The following CACNA1C variants were observed in gnomAD, a reference collection of about 807,000 sequenced individuals.
CACNA1C encodes voltage-dependent L-type calcium channel subunit alpha-1C.
In CACNA1C, 30 loss-of-function variants were observed where a neutral mutation model predicts 229.0. The ratio of observed to expected loss-of-function variants is 0.13; its 90% confidence interval spans 0.10 to 0.18. The LOEUF is 0.18. Among genes scored for constraint, CACNA1C ranks in the 10% least tolerant of loss-of-function variants. CACNA1C has a pLI of 1.00. For synonymous variants in CACNA1C, 1,114 were observed against 1,132.5 expected, an observed-to-expected ratio of 0.98 and a Z score of 0.33; for missense variants, 1,658 against 2,845.0, an observed-to-expected ratio of 0.58 and a Z score of 9.49.
intron 3 of CACNA1C, among the ~76,000 whole-genome samples, chr12:2,195,091 G>A (rs541375055): frequency 6.6e-6 from 1 of 152,236 alleles, no homozygotes; most frequent in Admixed American, 6.5e-5. Flanking sequence ...GTGTGTGTGT[G>A]TATTTAAATC....
At chr12:2,429,820 A>T (rs1379546068) in intron 3 of CACNA1C, among the ~76,000 whole-genome samples, 2 of 152,198 alleles carry the variant, frequency 1.3e-5, no homozygotes, top group Non-Finnish European at 2.9e-5. Context: ...ATCTTAGGTG[A>T]TGAGGAAGAG....
rs1229568622 is a variant in CACNA1C, at chr12:2,493,618, T to G, written c.1113+232T>G. Among the ~76,000 whole-genome samples, 1 of 152,078 alleles carries G rather than the reference T, an allele frequency of 6.6e-6. No homozygotes were observed. The highest frequency in any genetic ancestry group is 2.4e-5 in the African/African-American group (1 of 41,384). ...CCCGCCAGCCTTAGGGGAAGGTCATTTTTCCAGTGCGTCCCACAGTGCAAA... is the reference window on the plus strand; with the variant it reads ...CCCGCCAGCCTTAGGGGAAGGTCATGTTTCCAGTGCGTCCCACAGTGCAAA... On this transcript the variant is annotated intron_variant, in intron 7 of 46. Coordinates refer to ENST00000399655, the MANE Select transcript of CACNA1C (RefSeq NM_000719.7). This position sits in a 1 kb window ranked among gnomAD's most constrained non-coding sequence, Gnocchi z 4.6.
chr12:2,371,290 T>G (rs952136852), intron 3 of CACNA1C, among the ~76,000 whole-genome samples: 1 of 152,098 alleles, frequency 6.6e-6, no homozygotes, highest in Non-Finnish European at 1.5e-5. Flanking sequence ...ATGAGAGGCT[T>G]CATCGGGCAG....
chr12:2,124,575 C>A (rs2154156181), intron 3 of CACNA1C, among the ~76,000 whole-genome samples: 1 of 152,226 alleles, frequency 6.6e-6, no homozygotes, highest in African/African-American at 2.4e-5. Context: ...GCTCTTGCAG[C>A]ATGAGGAAGA....
intron 8 of CACNA1C, among the ~76,000 whole-genome samples, chr12:2,511,662 C>G: frequency 6.6e-6 from 1 of 152,110 alleles, no homozygotes; most frequent in East Asian, 1.9e-4. Flanking sequence ...AAAAATACTC[C>G]CCTATGCCTA....
intron 29 of CACNA1C, chr12:2,612,263 G>A (rs139019552): frequency 3.0e-4 from 141 of 463,594 alleles, no homozygotes; most frequent in African/African-American, 2.3e-3. Context: ...ATTCCTCGCT[G>A]AGCTGAACCT....
chr12:2,654,372 A>C lies in CACNA1C; in HGVS notation c.4140+472A>C, dbSNP rs2095294949. Among the ~76,000 whole-genome samples the C allele has an allele frequency of 6.6e-6, 1 of 152,194 alleles. No individual in the cohort carries two copies. Among genetic ancestry groups the C allele is most frequent in the African/African-American group, 2.4e-5 (1 of 41,448 alleles). ...GGGAAGAAGGAAGCAAGGAAGGGCC[A>C]AATCAACACAAGGTTCACCGCATCA... On this transcript the variant is annotated intron_variant, in intron 33 of 46. Coordinates refer to ENST00000399655, the MANE Select transcript of CACNA1C (RefSeq NM_000719.7). The surrounding 1 kb of genome is among the most constrained non-coding windows in gnomAD (Gnocchi z 4.4).
chr12:2,455,223 C>G (rs938743710), intron 4 of CACNA1C, among the ~76,000 whole-genome samples: 4 of 152,236 alleles, frequency 2.6e-5, no homozygotes, highest in African/African-American at 9.6e-5. Flanking sequence ...ACGCCCACTT[C>G]TAGTAACCCC....
chr12:2,126,053 C>T (rs566796033), intron 3 of CACNA1C, among the ~76,000 whole-genome samples: 57 of 152,356 alleles, frequency 3.7e-4, no homozygotes, highest in Admixed American at 8.5e-4. Context: ...CCTTTCCTTT[C>T]TCCCACTTAT....
At chr12:2,414,113 G>T (rs183114651) in intron 3 of CACNA1C, among the ~76,000 whole-genome samples, 5 of 140,386 alleles carry the variant, frequency 3.6e-5, no homozygotes, top group African/African-American at 7.8e-5. Context: ...CGTGGGACCC[G>T]GGATAAGTGG....
At chr12:2,090,189 T>C (rs1232590198) in intron 1 of CACNA1C, among the ~76,000 whole-genome samples, 1 of 152,176 alleles carries the variant, frequency 6.6e-6, no homozygotes, top group Non-Finnish European at 1.5e-5. Flanking sequence ...TGAATATTTG[T>C]CCTTTGTGAC....
intron 1 of CACNA1C, among the ~76,000 whole-genome samples, chr12:2,000,303 C>T (rs569871625): frequency 3.3e-5 from 5 of 152,168 alleles, no homozygotes; most frequent in South Asian, 4.1e-4. Flanking sequence ...CAGGATCACT[C>T]CCCACAAGAT....
rs190036635 is a variant in CACNA1C, at chr12:2,061,607, C to G, written c.49+7996C>G. Among the ~76,000 whole-genome samples, 564 of 152,274 alleles carry G rather than the reference C, an allele frequency of 3.7e-3. 5 individuals carry two copies. Among genetic ancestry groups the G allele is most frequent in the African/African-American group, 0.013 (541 of 41,544 alleles). ...CATGGGGATGCAGGGTATCCGACGCCTGGCAGCTGTCCACCTGCCATGCTG... is the reference window on the plus strand; with the variant it reads ...CATGGGGATGCAGGGTATCCGACGCGTGGCAGCTGTCCACCTGCCATGCTG... On this transcript the variant is annotated intron_variant, in intron 1 of 46. Transcript: ENST00000399655.
intron 3 of CACNA1C, among the ~76,000 whole-genome samples, chr12:2,367,937 G>A (rs1475407551): frequency 1.3e-5 from 2 of 151,662 alleles, no homozygotes; most frequent in African/African-American, 4.8e-5. Flanking sequence ...AAAAGTCTTA[G>A]AATAATCTTA....
intron 7 of CACNA1C, among the ~76,000 whole-genome samples, chr12:2,500,871 C>T (rs2099758033): frequency 1.3e-5 from 2 of 151,998 alleles, no homozygotes; most frequent in Admixed American, 1.3e-4. Flanking sequence ...GGTGGGAGTC[C>T]ATAGTTCTCA....
chr12:2,264,808 T>C (rs2081702912), intron 3 of CACNA1C, among the ~76,000 whole-genome samples: 2 of 152,212 alleles, frequency 1.3e-5, no homozygotes, highest in South Asian at 4.1e-4. Context: ...GGCTTTGCTA[T>C]TCCCCATGCC....
intron 3 of CACNA1C, among the ~76,000 whole-genome samples, chr12:2,272,441 C>T (rs1165704260): frequency 1.3e-5 from 2 of 152,204 alleles, no homozygotes; most frequent in Non-Finnish European, 2.9e-5. Context: ...CATCAGTCAC[C>T]TCCTCCCAAG....
chr12:2,003,774 T>C (rs1437927977), intron 1 of CACNA1C, among the ~76,000 whole-genome samples: 1 of 152,232 alleles, frequency 6.6e-6, no homozygotes, highest in African/African-American at 2.4e-5. Context: ...GCTCTTTTCT[T>C]GGTGTTTCCC....
At chr12:2,362,670 G>A (rs1259354682) in intron 3 of CACNA1C, among the ~76,000 whole-genome samples, 1 of 152,208 alleles carries the variant, frequency 6.6e-6, no homozygotes, top group Non-Finnish European at 1.5e-5. Context: ...GTGTTTTGAT[G>A]GAGAAAGCTG....
Sources: allele counts gnomAD v4.1 joint callset (sites outside exome capture counted in the v4.1 genomes callset), GRCh38; gene constraint gnomAD v4.1.1; non-coding constraint Gnocchi (gnomAD v3.1); transcripts MANE v1.5; gene names NCBI Gene and HGNC (gene_info 2026-07-23, HGNC 2026-07-21).